CDH4: variants seen among roughly 807,000 people sequenced by gnomAD.
The protein encoded by CDH4 is cadherin 4.
A neutral mutation model predicts 86.0 loss-of-function variants in CDH4; 33 were observed. The ratio of observed to expected loss-of-function variants is 0.38; its 90% confidence interval spans 0.29 to 0.51. The LOEUF is 0.51. Ranked by LOEUF, CDH4 falls within the 20% of genes least tolerant of loss-of-function variation. The pLI is 0.86. For synonymous variants in CDH4, 555 were observed against 549.4 expected (o/e 1.01, Z -0.14); for missense variants, 1,114 against 1,307.4 (o/e 0.85, Z 2.28).
At chr20:61,903,224 C>G (rs1052325571) in intron 8 of CDH4, among the ~76,000 whole-genome samples, 9 of 152,150 alleles carry the variant, frequency 5.9e-5, no homozygotes, top group African/African-American at 2.2e-4. Flanking sequence ...GTCACAGCCC[C>G]TGCTCCTCAG....
chr20:61,669,901 C>T (rs1256252158), intron 2 of CDH4, among the ~76,000 whole-genome samples: 1 of 152,146 alleles, frequency 6.6e-6, no homozygotes, highest in Non-Finnish European at 1.5e-5. Flanking sequence ...GTTCTGCTCC[C>T]ATGAGGTCAC....
intron 2 of CDH4, among the ~76,000 whole-genome samples, chr20:61,330,465 A>G (rs934902318): frequency 2.6e-5 from 4 of 152,226 alleles, no homozygotes; most frequent in South Asian, 4.1e-4. Context: ...TCTAATGATC[A>G]GTGATGTTGA....
chr20:61,868,616 G>A (rs1446635799), intron 6 of CDH4, among the ~76,000 whole-genome samples: 3 of 152,258 alleles, frequency 2.0e-5, no homozygotes, highest in Admixed American at 1.3e-4. Flanking sequence ...TCCCCTCCAC[G>A]CTGGCTGAGT....
At chr20:61,896,665 G>A (rs1240252747) in intron 8 of CDH4, among the ~76,000 whole-genome samples, 1 of 152,232 alleles carries the variant, frequency 6.6e-6, no homozygotes, top group African/African-American at 2.4e-5. Context: ...AGATGGTTTG[G>A]AAAACACCTG....
intron 9 of CDH4, among the ~76,000 whole-genome samples, chr20:61,920,866 G>A (rs1339578079): frequency 6.8e-6 from 1 of 147,382 alleles, no homozygotes; most frequent in Admixed American, 6.9e-5. Flanking sequence ...TGGTGTCACA[G>A]TAATTGCATG....
chr20:61,536,389 C>A (rs975427719), intron 2 of CDH4, among the ~76,000 whole-genome samples: 3 of 152,174 alleles, frequency 2.0e-5, no homozygotes, highest in Admixed American at 6.5e-5. Flanking sequence ...AACAGAACAA[C>A]CCATGGAAAG....
chr20:61,858,036 T>C (rs1183477803), intron 6 of CDH4, among the ~76,000 whole-genome samples: 1 of 152,042 alleles, frequency 6.6e-6, no homozygotes, highest in East Asian at 1.9e-4. Context: ...TGTGTGTGTG[T>C]CTGTGTCTGT....
At position 61,810,112 on chromosome 20, in the gene CDH4, C is replaced by T. The variant is rs909058822; in HGVS notation, c.577-34556C>T. 9.2e-5 allele frequency among the ~76,000 whole-genome samples: 14 copies of T among 152,086 alleles called. No homozygotes were observed. The highest frequency in any genetic ancestry group is 1.8e-4 in the Non-Finnish European group (12 of 68,006). ...TTGGCTAGCGTTGGTCAGACCTGGA[C>T]GGGCCTCAGCCGGGGTGGGGTGGGG... On this transcript the variant is annotated intron_variant, in intron 4 of 15. Transcript: ENST00000614565. This position sits in a 1 kb window ranked among gnomAD's most constrained non-coding sequence, Gnocchi z 4.3.
intron 4 of CDH4, among the ~76,000 whole-genome samples, chr20:61,787,541 G>A (rs1281165756): frequency 6.6e-6 from 1 of 152,208 alleles, no homozygotes. Flanking sequence ...TACAATTCAA[G>A]ATGATATTTG....
At chr20:61,279,655 A>C (rs1366034842) in intron 2 of CDH4, among the ~76,000 whole-genome samples, 1 of 152,148 alleles carries the variant, frequency 6.6e-6, no homozygotes, top group East Asian at 1.9e-4. Context: ...GGTCTCCACG[A>C]AAGCGCAGAG....
intron 2 of CDH4, among the ~76,000 whole-genome samples, chr20:61,456,842 T>C (rs565707360): frequency 1.3e-5 from 2 of 152,320 alleles, no homozygotes; most frequent in South Asian, 2.1e-4. Context: ...AGCTGTTCTA[T>C]AAATGCAGCA....
At chr20:61,276,452 C>G (rs2084232479) in intron 2 of CDH4, among the ~76,000 whole-genome samples, 1 of 152,170 alleles carries the variant, frequency 6.6e-6, no homozygotes, top group Admixed American at 6.5e-5. Flanking sequence ...GATCAAGGTG[C>G]TAATCTTGGT....
intron 2 of CDH4, among the ~76,000 whole-genome samples, chr20:61,577,474 C>T (rs971029972): frequency 2.0e-5 from 3 of 152,118 alleles, no homozygotes; most frequent in Non-Finnish European, 2.9e-5. Context: ...TTTTGTGTAT[C>T]GAACGATGCA....
chr20:61,764,287 G>C (rs1421165230), intron 3 of CDH4, among the ~76,000 whole-genome samples: 1 of 152,240 alleles, frequency 6.6e-6, no homozygotes, highest in Non-Finnish European at 1.5e-5. Flanking sequence ...GAACCCCGGG[G>C]CCACCGACTT....
intron 2 of CDH4, among the ~76,000 whole-genome samples, chr20:61,699,979 G>A (rs1314815569): frequency 6.6e-6 from 1 of 152,208 alleles, no homozygotes; most frequent in East Asian, 1.9e-4. Flanking sequence ...ATGTGAGCAG[G>A]TGGCTGCTGA....
At chr20:61,323,891 T>C (rs1478629145) in intron 2 of CDH4, among the ~76,000 whole-genome samples, 1 of 151,958 alleles carries the variant, frequency 6.6e-6, no homozygotes, top group Non-Finnish European at 1.5e-5. Flanking sequence ...ATCCTAAGAG[T>C]GGAAGGACGG....
intron 2 of CDH4, among the ~76,000 whole-genome samples, chr20:61,454,496 A>C (rs1455601300): frequency 6.6e-6 from 1 of 152,092 alleles, no homozygotes; most frequent in Non-Finnish European, 1.5e-5. Context: ...CCCAGGCTGG[A>C]GTGCAGTGGC....
chr20:61,611,837 G>C (rs2086687711), intron 2 of CDH4, among the ~76,000 whole-genome samples: 1 of 152,068 alleles, frequency 6.6e-6, no homozygotes, highest in Admixed American at 6.6e-5. Flanking sequence ...CCCACGTCTT[G>C]GGCTCCACCA....
At chr20:61,565,198 G>GAT (rs1568688333) in intron 2 of CDH4, among the ~76,000 whole-genome samples, 1 of 63,372 alleles carries the variant, frequency 1.6e-5, no homozygotes, top group Admixed American at 1.5e-4. Flanking sequence ...TCCTCTTGGT[G>GAT]GTGGTCGCGG....
Sources: allele counts gnomAD v4.1 joint callset (sites outside exome capture counted in the v4.1 genomes callset), GRCh38; gene constraint gnomAD v4.1.1; non-coding constraint Gnocchi (gnomAD v3.1); transcripts MANE v1.5; gene names NCBI Gene and HGNC (gene_info 2026-07-23, HGNC 2026-07-21).